The following BTAF1 variants were observed in gnomAD, a reference collection of about 807,000 sequenced individuals.
The protein encoded by BTAF1 is TATA-binding protein-associated factor 172.
BTAF1 carries 38 observed loss-of-function variants against 227.1 expected under a neutral mutation model. That is an observed-to-expected ratio of 0.17 (90% CI 0.13 to 0.22). The LOEUF (loss-of-function observed/expected upper bound fraction) is 0.22, where lower values mean the gene tolerates loss of function less well. Among genes scored for constraint, BTAF1 ranks in the 10% least tolerant of loss-of-function variants. The pLI is 1.00. For missense variants in BTAF1, 1,598 were observed against 2,204.0 expected (o/e 0.73, Z 5.51); for synonymous variants, 742 against 751.9 (o/e 0.99, Z 0.21).
intron 21 of BTAF1, among the ~76,000 whole-genome samples, chr10:91,992,676 A>G (rs1438464929): frequency 2.0e-5 from 3 of 152,202 alleles, no homozygotes; most frequent in Admixed American, 2.0e-4. Flanking sequence ...TTTGATATTT[A>G]TTAAATGCTT....
At chr10:92,027,408 A>T in intron 37 of BTAF1, 108 bp downstream of exon 37, 1 of 1,009,044 alleles carries the variant, frequency 9.9e-7, no homozygotes, top group Non-Finnish European at 1.4e-6. Flanking sequence ...AGTATCCATG[A>T]GATCACCACT....
At chr10:91,976,466 A>G (rs1371260920) in intron 14 of BTAF1, among the ~76,000 whole-genome samples, 1 of 152,176 alleles carries the variant, frequency 6.6e-6, no homozygotes, top group African/African-American at 2.4e-5. Flanking sequence ...CTCTAATCAC[A>G]TAGTTAGTTC....
intron 1 of BTAF1, 149 bp downstream of exon 1, chr10:91,924,239 C>A: frequency 8.9e-7 from 1 of 1,128,838 alleles, no homozygotes; most frequent in South Asian, 1.8e-5. Flanking sequence ...GCCCCGTGGT[C>A]GGCGGGGGTT....
chr10:91,993,333 A>G (rs1436486625), intron 21 of BTAF1, among the ~76,000 whole-genome samples: 1 of 152,212 alleles, frequency 6.6e-6, no homozygotes, highest in Non-Finnish European at 1.5e-5. Context: ...GTAAATAAGG[A>G]CACATCACTT....
chr10:91,985,818 G>C (rs1294740411), intron 19 of BTAF1, among the ~76,000 whole-genome samples: 3 of 152,052 alleles, frequency 2.0e-5, no homozygotes, highest in Admixed American at 6.5e-5. Flanking sequence ...TTGTTTGTTT[G>C]TTATTGAGTT....
At chr10:91,987,581 C>G (rs1848492782) in intron 19 of BTAF1, among the ~76,000 whole-genome samples, 1 of 152,174 alleles carries the variant, frequency 6.6e-6, no homozygotes, top group Non-Finnish European at 1.5e-5. Flanking sequence ...TGACTCATCT[C>G]TAGGGCTCCA....
intron 4 of BTAF1, among the ~76,000 whole-genome samples, chr10:91,948,543 A>T (rs1845546461): frequency 6.7e-6 from 1 of 150,090 alleles, no homozygotes; most frequent in South Asian, 2.1e-4. Context: ...CGCCTGGCTA[A>T]TTTTTTATTT....
At chr10:92,020,096 A>G (rs568569739) in intron 34 of BTAF1, among the ~76,000 whole-genome samples, 47 of 135,560 alleles carry the variant, frequency 3.5e-4, no homozygotes, top group African/African-American at 1.1e-3. Flanking sequence ...CCCATTCTAT[A>G]GGTTATCTTT....
chr10:92,022,421 C>T (rs2134169541), intron 34 of BTAF1, among the ~76,000 whole-genome samples: 1 of 151,724 alleles, frequency 6.6e-6, no homozygotes, highest in African/African-American at 2.4e-5. Context: ...ACTTATAACA[C>T]TTTTTTTTTC....
In BTAF1 at chr10:92,018,770, T is replaced by C; in HGVS notation, c.4711-13T>C. The C allele has an allele frequency of 6.7e-7, 1 of 1,502,378 alleles. No homozygotes were observed. The highest frequency in any genetic ancestry group is 8.9e-7 in the Non-Finnish European group (1 of 1,124,788). The allele number at this position is 1,502,378 out of a possible 1,614,324, so 93.1% of individuals were successfully genotyped here. On this transcript the variant is annotated splice_polypyrimidine_tract_variant and intron_variant, in intron 33 of 37. Coordinates refer to ENST00000265990, the MANE Select transcript of BTAF1 (RefSeq NM_003972.3). The stretch of plus-strand genomic sequence containing the variant: ...GAAATTGACTCATATATACTTTTTT[T>C]TTCCTCTTGAAGGCATTACAGTACT...
intron 24 of BTAF1, chr10:91,997,016 C>T: frequency 3.5e-6 from 3 of 866,104 alleles, no homozygotes; most frequent in Non-Finnish European, 3.3e-6. Flanking sequence ...TAGAAATATA[C>T]AGGCAAGCCC....
intron 33 of BTAF1, among the ~76,000 whole-genome samples, chr10:92,017,957 G>T (rs1850856081): frequency 6.6e-6 from 1 of 152,200 alleles, no homozygotes; most frequent in Admixed American, 6.5e-5. Flanking sequence ...AATCAGAGAA[G>T]AGACCATATA....
At chr10:91,957,194 A>T (rs764982528) in intron 7 of BTAF1, 31 bp from the exon 8 acceptor site, 1 of 1,569,200 alleles carries the variant, frequency 6.4e-7, no homozygotes, top group Non-Finnish European at 8.8e-7. Flanking sequence ...AGACCTTTTG[A>T]ACTAGTAGTA....
intron 19 of BTAF1, 25 bp downstream of exon 19, chr10:91,984,429 A>G: frequency 6.4e-7 from 1 of 1,556,064 alleles, no homozygotes; most frequent in Non-Finnish European, 8.8e-7. Context: ...AACTTTCTTA[A>G]TTAGAGATAG....
chr10:92,025,094 C>A, intron 35 of BTAF1, 127 bp downstream of exon 35: 2 of 739,222 alleles, frequency 2.7e-6, no homozygotes, highest in Non-Finnish European at 4.3e-6. Flanking sequence ...TAATTCACCC[C>A]AAATAAACCC....
intron 1 of BTAF1, among the ~76,000 whole-genome samples, chr10:91,925,747 T>C (rs1258496309): frequency 6.6e-6 from 1 of 152,188 alleles, no homozygotes; most frequent in Non-Finnish European, 1.5e-5. Flanking sequence ...CCTTACCTCG[T>C]GATCCGCCGG....
chr10:91,994,403 A>G (rs1849001201), intron 22 of BTAF1, 132 bp from the exon 23 acceptor site: 3 of 591,436 alleles, frequency 5.1e-6, no homozygotes, highest in Non-Finnish European at 8.9e-6. Context: ...AATTAAGGTC[A>G]TGGCATTTAA....
Position 92,027,235 on chromosome 10 carries a change from C to G in BTAF1, c.5341C>G (p.Gln1781Glu), listed in dbSNP as rs1470858904. ...GAACATAGCGAATACTGTTATTAGC[C>G]AAGAGAATTCTAGTTTGCAGAGCAT... is the stretch of plus-strand genomic sequence containing the variant. ...KMNIANTVIS[Q>E]ENSSLQSMGT... Residue 1781 changes from glutamine (Q) to glutamate (E), a missense_variant, in exon 37 of 38, where the codon CAA (glutamine) becomes GAA (glutamate). Around this residue, in one of 10 missense-constraint regions of BTAF1, gnomAD observed 79 missense variants for 97.9 expected, o/e 0.81. Transcript: ENST00000265990. 4 of 1,613,792 alleles carry G rather than the reference C, an allele frequency of 2.5e-6. No individual in the cohort carries two copies. The highest frequency in any genetic ancestry group is 1.3e-5 in the African/African-American group (1 of 74,868).
chr10:91,973,919 A>AG (rs1847500211), intron 14 of BTAF1, among the ~76,000 whole-genome samples: 1 of 151,458 alleles, frequency 6.6e-6, no homozygotes, highest in African/African-American at 2.4e-5. Context: ...AAAAAAAAAA[A>AG]AAAAGAAACT....
Sources: allele counts gnomAD v4.1 joint callset (sites outside exome capture counted in the v4.1 genomes callset), GRCh38; gene constraint gnomAD v4.1.1; regional missense constraint gnomAD v4.1.1; transcripts MANE v1.5; gene names NCBI Gene and HGNC (gene_info 2026-07-23, HGNC 2026-07-21).